Variants in MTUS2 observed in about 807,000 individuals in gnomAD.
The protein encoded by MTUS2 is microtubule-associated tumor suppressor candidate 2.
A neutral mutation model predicts 114.1 loss-of-function variants in MTUS2; 40 were observed. That is an observed-to-expected ratio of 0.35 (90% CI 0.27 to 0.46). The LOEUF (loss-of-function observed/expected upper bound fraction) is 0.46, where lower values mean the gene tolerates loss of function less well. Among genes scored for constraint, MTUS2 ranks in the 20% least tolerant of loss-of-function variants. MTUS2 has a pLI of 1.00. For missense variants in MTUS2, 1,679 were observed against 1,705.4 expected (o/e 0.98, Z 0.27); for synonymous variants, 688 against 672.0 (o/e 1.02, Z -0.37).
chr13:29,056,129 G>A (rs890481384), intron 4 of MTUS2, among the ~76,000 whole-genome samples: 9 of 151,880 alleles, frequency 5.9e-5, no homozygotes, highest in African/African-American at 1.9e-4. Context: ...TGAAATCTTT[G>A]CCAGGTCCTA....
At chr13:29,442,634 A>ACATGGTTTCCCC (rs11273920) in intron 9 of MTUS2, among the ~76,000 whole-genome samples, 2 of 152,152 alleles carry the variant, frequency 1.3e-5, no homozygotes, top group African/African-American at 2.4e-5. Flanking sequence ...CCAAACCAGC[A>ACATGGTTTCCCC]CAGGGAGGCA....
chr13:29,392,720 A>G (rs1873606249), intron 8 of MTUS2, among the ~76,000 whole-genome samples: 1 of 152,204 alleles, frequency 6.6e-6, no homozygotes, highest in East Asian at 1.9e-4. Context: ...GAGAGAAAGA[A>G]CAAGGGTGAT....
chr13:29,126,366 T>C (rs1277329161), intron 5 of MTUS2, among the ~76,000 whole-genome samples: 1 of 152,198 alleles, frequency 6.6e-6, no homozygotes, highest in Non-Finnish European at 1.5e-5. Flanking sequence ...CTTTCATTTC[T>C]CGCCTCATTT....
Position 29,349,880 on chromosome 13 carries a change from A to G in MTUS2, c.2906-9382A>G, listed in dbSNP as rs551133143. ...TGTTTTTGTGCTTGAAGTTTGTTGA[A>G]ATTTTTGGATCTGTTTTTATACAGT... On this transcript the variant is annotated intron_variant, in intron 7 of 15. Transcript: ENST00000612955. Among the ~76,000 whole-genome samples the G allele has an allele frequency of 5.3e-5, 8 of 151,994 alleles. No homozygotes were observed. The East Asian group carries it at 1.5e-3, about 29-fold the overall frequency.
At chr13:29,104,643 A>G (rs77625770) in intron 5 of MTUS2, among the ~76,000 whole-genome samples, 3,788 of 152,278 alleles carry the variant, frequency 0.025, 171 homozygotes, top group African/African-American at 0.086. Flanking sequence ...CAGCACCTGC[A>G]TGTGTATCGT....
intron 8 of MTUS2, among the ~76,000 whole-genome samples, chr13:29,421,387 A>T (rs76501391): frequency 0.013 from 2,048 of 152,272 alleles, 63 homozygotes; most frequent in African/African-American, 0.047. Flanking sequence ...TTTGTAAGAG[A>T]TTCTTTCATG....
intron 2 of MTUS2, among the ~76,000 whole-genome samples, chr13:28,845,004 G>C (rs1327999065): frequency 3.3e-5 from 5 of 152,150 alleles, no homozygotes; most frequent in African/African-American, 1.2e-4. Context: ...CACCCAGGCT[G>C]GAGTGTGATG....
At chr13:29,216,417 G>T (rs1895684257) in intron 5 of MTUS2, among the ~76,000 whole-genome samples, 1 of 152,142 alleles carries the variant, frequency 6.6e-6, no homozygotes, top group Admixed American at 6.5e-5. Flanking sequence ...GGTGCCACTG[G>T]GATACGAAAA....
At chr13:28,847,117 C>T (rs1285780080) in intron 2 of MTUS2, among the ~76,000 whole-genome samples, 1 of 152,134 alleles carries the variant, frequency 6.6e-6, no homozygotes, top group African/African-American at 2.4e-5. Flanking sequence ...CCTGCTGAGC[C>T]AGTGTGCTGT....
chr13:29,295,316 A>G (rs749499993), intron 6 of MTUS2, among the ~76,000 whole-genome samples: 1 of 152,164 alleles, frequency 6.6e-6, no homozygotes, highest in Admixed American at 6.5e-5. Flanking sequence ...ATATCCAGAA[A>G]TTGTTGTTAA....
At chr13:29,001,287 G>A (rs1885373138) in intron 2 of MTUS2, among the ~76,000 whole-genome samples, 2 of 152,166 alleles carry the variant, frequency 1.3e-5, no homozygotes, top group South Asian at 4.1e-4. Flanking sequence ...ATAAACCACA[G>A]GATGGGATCT....
chr13:29,232,125 G>A (rs1896347093), intron 5 of MTUS2, among the ~76,000 whole-genome samples: 1 of 152,154 alleles, frequency 6.6e-6, no homozygotes, highest in Admixed American at 6.5e-5. Flanking sequence ...CCTCACTGCA[G>A]CTAGGTATCA....
At chr13:29,350,851 T>A (rs1439324740) in intron 7 of MTUS2, among the ~76,000 whole-genome samples, 3 of 151,376 alleles carry the variant, frequency 2.0e-5, no homozygotes, top group African/African-American at 7.3e-5. Context: ...TTTCTTCTTA[T>A]AAGAGCACTA....
intron 8 of MTUS2, among the ~76,000 whole-genome samples, chr13:29,359,977 G>A (rs1870089438): frequency 6.6e-6 from 1 of 152,144 alleles, no homozygotes; most frequent in Non-Finnish European, 1.5e-5. Context: ...GGTGAGGTTC[G>A]GATTCTCCTT....
intron 9 of MTUS2, among the ~76,000 whole-genome samples, chr13:29,442,257 G>GT (rs1877943644): frequency 6.6e-6 from 1 of 152,112 alleles, no homozygotes; most frequent in South Asian, 2.1e-4. Context: ...TTTTTTCACA[G>GT]TATCAAGGCC....
At chr13:29,211,841 T>C (rs3011459) in intron 5 of MTUS2, among the ~76,000 whole-genome samples, 120,586 of 148,224 alleles carry the variant, frequency 0.81, 48,308 homozygotes, top group East Asian at 0.9. Context: ...TCAAAGGGTC[T>C]GTGGATTCTC....
At chr13:29,156,411 A>C (rs576061104) in intron 5 of MTUS2, among the ~76,000 whole-genome samples, 2 of 152,108 alleles carry the variant, frequency 1.3e-5, no homozygotes, top group South Asian at 4.1e-4. Flanking sequence ...CCAAGTGAAA[A>C]TCGTGCCCAT....
intron 8 of MTUS2, among the ~76,000 whole-genome samples, chr13:29,394,947 T>A (rs1026529530): frequency 6.6e-6 from 1 of 152,204 alleles, no homozygotes; most frequent in African/African-American, 2.4e-5. Context: ...GTGGAAAAAT[T>A]GCCCCTTTCA....
chr13:29,101,675 T>C (rs1890425008), intron 5 of MTUS2, among the ~76,000 whole-genome samples: 1 of 152,218 alleles, frequency 6.6e-6, no homozygotes, highest in Non-Finnish European at 1.5e-5. Flanking sequence ...GTCAATGTTA[T>C]TGGATGGGAA....
Sources: gnomAD v4.1 joint callset for allele counts (sites outside exome capture counted in the v4.1 genomes callset) on GRCh38, gnomAD v4.1.1 for gene constraint, MANE v1.5 for transcripts, NCBI Gene and HGNC (gene_info 2026-07-23, HGNC 2026-07-21) for gene names.